SYNPO2: variants seen among roughly 807,000 people sequenced by gnomAD.
The protein encoded by SYNPO2 is synaptopodin 2.
A neutral mutation model predicts 85.0 loss-of-function variants in SYNPO2; 56 were observed. The ratio of observed to expected loss-of-function variants is 0.66; its 90% CI spans 0.53 to 0.82. SYNPO2 has a LOEUF of 0.82. Ranked by LOEUF, SYNPO2 falls within the 40% of genes least tolerant of loss-of-function variation. The probability of loss-of-function intolerance (pLI) is 0.00; values close to 1 mark genes in which losing one functional copy is unlikely to be tolerated. For synonymous variants in SYNPO2, 602 were observed against 591.1 expected, an observed-to-expected ratio of 1.02 and a Z score of -0.27; for missense variants, 1,575 against 1,534.2, an observed-to-expected ratio of 1.03 and a Z score of -0.44.
chr4:118,887,766 G>A (rs1293972787), upstream of SYNPO2, among the ~76,000 whole-genome samples: 8 of 152,116 alleles, frequency 5.3e-5, no homozygotes, highest in Non-Finnish European at 1.0e-4. Flanking sequence ...CAGTTTCCAT[G>A]AACCTATCTG....
chr4:118,991,337 A>G (rs558818317), intron 1 of SYNPO2, among the ~76,000 whole-genome samples: 121 of 151,832 alleles, frequency 8.0e-4, no homozygotes, highest in South Asian at 7.1e-3. Context: ...TAGTAGAGAC[A>G]GGGTTTCGCC....
intron 2 of SYNPO2, among the ~76,000 whole-genome samples, chr4:119,025,353 A>G (rs1737894520): frequency 6.6e-6 from 1 of 152,196 alleles, no homozygotes; most frequent in African/African-American, 2.4e-5. Flanking sequence ...TAATGATCTA[A>G]TTTGCTAACA....
At chr4:118,994,536 TCAATATATGAACTGGGG>T (rs143395184) in intron 1 of SYNPO2, among the ~76,000 whole-genome samples, 40,577 of 152,158 alleles carry the variant, frequency 0.27, 5,444 homozygotes, top group Middle Eastern at 0.32. Context: ...CACTGTTAAT[TCAATATATGAACTGGGG>T]AATCGCTGAG....
At chr4:118,908,706 C>G (rs535147861) in intron 1 of SYNPO2, among the ~76,000 whole-genome samples, 1 of 152,148 alleles carries the variant, frequency 6.6e-6, no homozygotes, top group African/African-American at 2.4e-5. Context: ...ATAGGTTGTG[C>G]ACATGATAAA....
At chr4:119,008,106 T>C (rs149971627) in intron 1 of SYNPO2, among the ~76,000 whole-genome samples, 14 of 152,176 alleles carry the variant, frequency 9.2e-5, no homozygotes, top group Non-Finnish European at 1.9e-4. Context: ...TTCATCTTCA[T>C]AGATTTCATA....
intron 1 of SYNPO2, among the ~76,000 whole-genome samples, chr4:118,996,471 A>T (rs951023635): frequency 6.6e-6 from 1 of 152,200 alleles, no homozygotes; most frequent in Non-Finnish European, 1.5e-5. Context: ...TATCATTTCC[A>T]TATTGATAAA....
intron 1 of SYNPO2, among the ~76,000 whole-genome samples, chr4:118,863,378 A>G (rs950772486): frequency 7.2e-5 from 11 of 152,060 alleles, no homozygotes; most frequent in Non-Finnish European, 1.2e-4. Context: ...TCTTGGTTCA[A>G]TCTTGGTAGG....
chr4:118,953,769 CA>C (rs1191295670), intron 1 of SYNPO2, among the ~76,000 whole-genome samples: 2 of 152,132 alleles, frequency 1.3e-5, no homozygotes, highest in Admixed American at 1.3e-4. Context: ...TGCCAAAGAT[CA>C]CCAGTGTGAA....
At position 119,030,394 on chromosome 4, in the gene SYNPO2, A is replaced by G; in HGVS notation, c.1619A>G (p.Glu540Gly). ...ACCACGACTTCTTACCAAAGAAAGG[A>G]GGAAGAGTCGGTAAGAACGCAGAGC... The part of the protein sequence containing the change: ...LRTTTSYQRK[E>G]EESVRTQSSV... Residue 540 changes from glutamate to glycine, a missense_variant, in exon 4 of 5, where the codon GAG (glutamate) becomes GGG (glycine). Glu to Gly is a moderately conservative substitution (Grantham distance 98). Transcript: ENST00000307142. 6.2e-7 allele frequency: 1 copy of G among 1,614,182 alleles called. No homozygotes were observed. The highest frequency in any genetic ancestry group is 1.1e-5 in the South Asian group (1 of 91,086).
At chr4:118,879,902 C>T (rs1449564215) in intron 1 of SYNPO2, among the ~76,000 whole-genome samples, 2 of 152,046 alleles carry the variant, frequency 1.3e-5, no homozygotes, top group Non-Finnish European at 2.9e-5. Flanking sequence ...CCTCTGAGGC[C>T]TGTTGCCTGT....
At chr4:118,944,185 A>C (rs1165028579) in intron 1 of SYNPO2, among the ~76,000 whole-genome samples, 1 of 152,064 alleles carries the variant, frequency 6.6e-6, no homozygotes, top group Non-Finnish European at 1.5e-5. Context: ...TGTCAAATCA[A>C]GTGCACATTA....
intron 1 of SYNPO2, among the ~76,000 whole-genome samples, chr4:118,916,406 C>CA (rs1211481762): frequency 6.6e-6 from 1 of 151,922 alleles, no homozygotes; most frequent in African/African-American, 2.4e-5. Context: ...CTCCTGGGCT[C>CA]AAGTGATCCA....
At chr4:118,951,741 A>G (rs994347586) in intron 1 of SYNPO2, among the ~76,000 whole-genome samples, 21 of 152,228 alleles carry the variant, frequency 1.4e-4, no homozygotes, top group African/African-American at 4.8e-4. Context: ...TGAATTTTTC[A>G]TAATAAAATT....
In SYNPO2 at chr4:118,888,884, C is replaced by A; in HGVS notation, c.-153C>A. On this transcript the variant is annotated 5_prime_UTR_variant, in exon 1 of 5. Transcript: ENST00000307142. ...AATTCGCAGCAGGCGGCTGGGGCGG[C>A]GGCTGGGGCAGCGGCTGCAGCAGCG... is the stretch of plus-strand genomic sequence containing the variant. The A allele has an allele frequency of 1.3e-6, 1 of 755,324 alleles. No individual in the cohort carries two copies. The highest frequency in any genetic ancestry group is 2.2e-6 in the Non-Finnish European group (1 of 454,718). 46.8% of individuals were successfully genotyped at this position (755,324 alleles called of 1,614,324 possible).
At chr4:118,948,791 ACAC>A (rs1157366565) in intron 1 of SYNPO2, among the ~76,000 whole-genome samples, 1 of 152,166 alleles carries the variant, frequency 6.6e-6, no homozygotes, top group Non-Finnish European at 1.5e-5. Context: ...CATGATCCAG[ACAC>A]CTCCCACTAG....
At chr4:118,910,927 G>T (rs985133492) in intron 1 of SYNPO2, among the ~76,000 whole-genome samples, 1 of 152,042 alleles carries the variant, frequency 6.6e-6, no homozygotes, top group Non-Finnish European at 1.5e-5. Flanking sequence ...AATTGTCAAT[G>T]CCTTGTGCTG....
At chr4:118,934,909 G>T (rs888586121) in intron 1 of SYNPO2, among the ~76,000 whole-genome samples, 1 of 152,068 alleles carries the variant, frequency 6.6e-6, no homozygotes, top group African/African-American at 2.4e-5. Flanking sequence ...TTTATTCATC[G>T]GTGTTTATTT....
chr4:119,034,709 G>C, intron 4 of SYNPO2: 1 of 985,496 alleles, frequency 1.0e-6, no homozygotes, highest in Non-Finnish European at 1.2e-6. Flanking sequence ...GAGGAAGAAG[G>C]ACTAACCAGC....
At chr4:119,020,468 A>T (rs1459057) in intron 1 of SYNPO2, among the ~76,000 whole-genome samples, 102,520 of 152,016 alleles carry the variant, frequency 0.67, 34,616 homozygotes, top group Middle Eastern at 0.73. Flanking sequence ...GCAGCTCTGT[A>T]AAGTTGGGAG....
Sources: allele counts gnomAD v4.1 joint callset (sites outside exome capture counted in the v4.1 genomes callset), GRCh38; gene constraint gnomAD v4.1.1; transcripts MANE v1.5; gene names NCBI Gene and HGNC (gene_info 2026-07-23, HGNC 2026-07-21).